The following TMF1 variants were observed in gnomAD, a reference collection of about 807,000 sequenced individuals.
The protein encoded by TMF1 is TATA element modulatory factor.
A neutral mutation model predicts 126.5 loss-of-function variants in TMF1; 71 were observed. The ratio of observed to expected loss-of-function variants is 0.56; its 90% CI spans 0.46 to 0.68. TMF1 has a LOEUF of 0.68. TMF1 is among the 30% of genes least tolerant of loss of function. The probability of loss-of-function intolerance (pLI) is 0.00; values close to 1 mark genes in which losing one functional copy is unlikely to be tolerated. For synonymous variants in TMF1, 461 were observed against 430.5 expected (o/e 1.07, Z -0.88); for missense variants, 1,259 against 1,253.2 (o/e 1.00, Z -0.07).
intron 2 of TMF1, among the ~76,000 whole-genome samples, chr3:69,046,090 TAG>T (rs566636712): frequency 1.3e-5 from 2 of 152,050 alleles, no homozygotes; most frequent in Non-Finnish European, 2.9e-5. Context: ...GCCTGGACAA[TAG>T]AGAGAGACCC....
In TMF1 at chr3:69,022,545, T is replaced by A. The variant is rs2091744885; in HGVS notation, c.*632A>T. 1 of 152,578 alleles carries A rather than the reference T, an allele frequency of 6.6e-6. No homozygotes were observed. Among genetic ancestry groups the A allele is most frequent in the Non-Finnish European group, 1.5e-5 (1 of 67,980 alleles). 9.5% of individuals were successfully genotyped at this position (152,578 alleles called of 1,614,324 possible). ...TTTATACAGACTTAATTGTGAAAGC[T>A]GGGTGAAATAAATTTTCAGATCAAA... is the stretch of plus-strand genomic sequence containing the variant. On this transcript the variant is annotated 3_prime_UTR_variant, in exon 17 of 17. Transcript: ENST00000398559.
chr3:69,038,423 G>A (rs137901758), intron 8 of TMF1, 141 bp downstream of exon 8: 6 of 950,766 alleles, frequency 6.3e-6, no homozygotes, highest in Non-Finnish European at 6.1e-6. Flanking sequence ...AACACAACTG[G>A]TTAAATTTAG....
chr3:69,049,809 T>C (rs1269025895), intron 1 of TMF1, among the ~76,000 whole-genome samples: 1 of 152,204 alleles, frequency 6.6e-6, no homozygotes, highest in African/African-American at 2.4e-5. Context: ...TTCGTTAAAG[T>C]ATTTAAAGCA....
Position 69,026,080 on chromosome 3 carries a change from A to G in TMF1, c.2775T>C (p.Ser925=), listed in dbSNP as rs1449408111. The G allele has an allele frequency of 6.8e-6, 11 of 1,613,982 alleles. No homozygotes were observed. The highest frequency in any genetic ancestry group is 9.3e-6 in the Non-Finnish European group (11 of 1,179,924). ...GTGACATGGTGGGAGTGCTAGAAAC[A>G]GAAAATGGCTTGCGTTCCTTAGGGA... ...TIKEKERKPF[S]VSSTPTMSRS... is the part of the protein sequence containing the mutation. Residue 925 remains serine, a synonymous_variant, in exon 14 of 17, where the codon TCT becomes TCC. Coordinates refer to ENST00000398559, the MANE Select transcript of TMF1 (RefSeq NM_007114.3).
At chr3:69,037,279 G>A (rs2091837360) in intron 8 of TMF1, among the ~76,000 whole-genome samples, 1 of 152,184 alleles carries the variant, frequency 6.6e-6, no homozygotes, top group Non-Finnish European at 1.5e-5. Flanking sequence ...CGGATCACGA[G>A]GTCAGGAGAT....
At chr3:69,045,275 C>T (rs1242807598) in intron 2 of TMF1, among the ~76,000 whole-genome samples, 2 of 151,422 alleles carry the variant, frequency 1.3e-5, no homozygotes, top group Non-Finnish European at 2.9e-5. Flanking sequence ...CTGGCCAACA[C>T]GGTGAAAACC....
intron 12 of TMF1, 84 bp from the exon 13 acceptor site, chr3:69,028,076 G>T: frequency 8.9e-7 from 1 of 1,117,494 alleles, no homozygotes; most frequent in Non-Finnish European, 1.3e-6. Flanking sequence ...GAAGCATAAA[G>T]TATAAACTCA....
At chr3:69,030,153 C>T (rs1361548499) in intron 10 of TMF1, 146 bp from the exon 11 acceptor site, 1 of 597,650 alleles carries the variant, frequency 1.7e-6, no homozygotes, top group African/African-American at 1.9e-5. Context: ...GGACTGTCTA[C>T]TGAGACAAAT....
chr3:69,022,087 T>C lies in TMF1; in HGVS notation c.*1090A>G, dbSNP rs1291233077. 1 of 152,688 alleles carries C rather than the reference T, an allele frequency of 6.5e-6. No homozygotes were observed. The highest frequency in any genetic ancestry group is 1.5e-5 in the Non-Finnish European group (1 of 68,048). 9.5% of individuals were successfully genotyped at this position (152,688 alleles called of 1,614,324 possible). The stretch of plus-strand genomic sequence containing the variant: ...TTTAAAACACAACCTGGTTACCTTT[T>C]TGAATAAAATAACATTTGGAAGAAG... On this transcript the variant is annotated 3_prime_UTR_variant, in exon 17 of 17. Coordinates refer to ENST00000398559, the MANE Select transcript of TMF1 (RefSeq NM_007114.3).
At chr3:69,028,560 T>C (rs912259041) in intron 11 of TMF1, among the ~76,000 whole-genome samples, 1 of 152,210 alleles carries the variant, frequency 6.6e-6, no homozygotes, top group Non-Finnish European at 1.5e-5. Context: ...AGAGACTTTA[T>C]AAAAATAATT....
intron 10 of TMF1, among the ~76,000 whole-genome samples, chr3:69,032,938 T>C (rs879894295): frequency 6.6e-6 from 1 of 152,108 alleles, no homozygotes; most frequent in African/African-American, 2.4e-5. Context: ...GACTCCCTAG[T>C]ATGTCTCTTC....
At chr3:69,049,502 C>G (rs1286488540) in intron 1 of TMF1, among the ~76,000 whole-genome samples, 1 of 152,218 alleles carries the variant, frequency 6.6e-6, no homozygotes, top group Admixed American at 6.5e-5. Flanking sequence ...CACTTAATCA[C>G]AGGCTGATTC....
At chr3:69,046,521 A>T (rs953021783) in intron 2 of TMF1, among the ~76,000 whole-genome samples, 5 of 152,212 alleles carry the variant, frequency 3.3e-5, no homozygotes, top group East Asian at 1.9e-4. Flanking sequence ...GCACTTTTTT[A>T]AAAAATTAAG....
At chr3:69,038,261 T>G (rs9809889) in intron 8 of TMF1, among the ~76,000 whole-genome samples, 75,796 of 151,978 alleles carry the variant, frequency 0.5, 19,372 homozygotes, top group Admixed American at 0.58. Flanking sequence ...GTTAAATGGA[T>G]TCTCTCAAAA....
intron 1 of TMF1, 57 bp from the exon 2 acceptor site, chr3:69,048,619 AATC>A: frequency 7.2e-7 from 1 of 1,381,412 alleles, no homozygotes; most frequent in Non-Finnish European, 9.7e-7. Flanking sequence ...TTAATATTTC[AATC>A]ATCATTATAA....
At chr3:69,040,984 T>C (rs1257838695) in intron 5 of TMF1, among the ~76,000 whole-genome samples, 2 of 151,956 alleles carry the variant, frequency 1.3e-5, no homozygotes, top group Admixed American at 1.3e-4. Context: ...TTTTGTGAAA[T>C]GTAAATACTC....
chr3:69,036,166 T>C (rs1389611292), intron 8 of TMF1, among the ~76,000 whole-genome samples: 1 of 152,138 alleles, frequency 6.6e-6, no homozygotes, highest in African/African-American at 2.4e-5. Flanking sequence ...AAAACCTCTA[T>C]GTTTTACTAG....
At chr3:69,025,752 C>T (rs2091764116) in intron 14 of TMF1, 40 bp from the exon 15 acceptor site, 1 of 1,580,286 alleles carries the variant, frequency 6.3e-7, no homozygotes, top group Non-Finnish European at 8.6e-7. Context: ...ACTCAGTTAT[C>T]ATAGCTTGTC....
At position 69,023,182 on chromosome 3, in the gene TMF1, TGA is replaced by T; in HGVS notation, c.3275_3276del (p.Leu1092GlnfsTer7). 5 of 1,609,574 alleles carry T rather than the reference TGA, an allele frequency of 3.1e-6. No homozygotes were observed. Among genetic ancestry groups the T allele is most frequent in the Non-Finnish European group, 4.2e-6 (5 of 1,177,186 alleles). On this transcript the variant is annotated frameshift_variant, in exon 17 of 17. Coordinates refer to ENST00000398559, the MANE Select transcript of TMF1 (RefSeq NM_007114.3). LOFTEE classifies it high-confidence loss of function. ...GGGAATTCAATTTTCACAAGTTAAC[TGA>T]GACTTTGTCTTAAAAGTTCATCTAT... The part of the protein sequence containing the change: ...TQIDELLRQS[L>X]S
Sources: gnomAD v4.1 joint callset for allele counts (sites outside exome capture counted in the v4.1 genomes callset) on GRCh38, gnomAD v4.1.1 for gene constraint, MANE v1.5 for transcripts, NCBI Gene and HGNC (gene_info 2026-07-23, HGNC 2026-07-21) for gene names.